Variants in CNTN4 observed in about 807,000 individuals in gnomAD.
CNTN4 encodes the protein contactin-4.
Under a neutral mutation model 122.5 loss-of-function variants are expected in CNTN4, and 77 were observed. That is an observed-to-expected ratio of 0.63 (90% CI 0.52 to 0.76). The LOEUF (loss-of-function observed/expected upper bound fraction) is 0.76, where lower values mean the gene tolerates loss of function less well. CNTN4 is among the 30% of genes least tolerant of loss of function. The pLI, the probability that CNTN4 is intolerant of heterozygous loss-of-function variation, is 0.00. For missense variants in CNTN4, 1,256 were observed against 1,259.1 expected (o/e 1.00, Z 0.04); for synonymous variants, 512 against 447.0 (o/e 1.15, Z -1.83).
At chr3:2,503,584 G>T (rs1242048648) in intron 3 of CNTN4, among the ~76,000 whole-genome samples, 3 of 152,068 alleles carry the variant, frequency 2.0e-5, no homozygotes, top group Non-Finnish European at 4.4e-5. Context: ...TAAGTAACTT[G>T]TTCAGGCTCA....
chr3:2,965,607 C>T (rs1419094814), intron 13 of CNTN4, among the ~76,000 whole-genome samples: 1 of 152,224 alleles, frequency 6.6e-6, no homozygotes, highest in African/African-American at 2.4e-5. Context: ...CTTCTTATAT[C>T]TAAATTGATT....
intron 8 of CNTN4, among the ~76,000 whole-genome samples, chr3:2,882,330 C>G (rs994692195): frequency 6.6e-6 from 1 of 151,290 alleles, no homozygotes; most frequent in Admixed American, 6.6e-5. Flanking sequence ...CCTGCCACCA[C>G]ACTCTAGCCT....
At chr3:2,838,096 G>A (rs983500928) in intron 7 of CNTN4, among the ~76,000 whole-genome samples, 2 of 152,154 alleles carry the variant, frequency 1.3e-5, no homozygotes, top group Admixed American at 1.3e-4. Context: ...GTGACCATGA[G>A]CAGTTTCATT....
intron 3 of CNTN4, among the ~76,000 whole-genome samples, chr3:2,409,308 C>A (rs999543380): frequency 3.4e-5 from 5 of 148,458 alleles, no homozygotes; most frequent in Admixed American, 1.4e-4. Flanking sequence ...AGTGCAGTGG[C>A]ATGATCTTGA....
At chr3:2,728,023 G>T (rs1369679643) in intron 4 of CNTN4, among the ~76,000 whole-genome samples, 1 of 152,214 alleles carries the variant, frequency 6.6e-6, no homozygotes, top group African/African-American at 2.4e-5. Context: ...AACGCTGTGT[G>T]TTGGCCAGTT....
intron 13 of CNTN4, among the ~76,000 whole-genome samples, chr3:2,947,206 C>G (rs2094688369): frequency 1.3e-5 from 2 of 152,148 alleles, no homozygotes; most frequent in Non-Finnish European, 2.9e-5. Context: ...GTCTGTTTCT[C>G]TATCAAAGAG....
chr3:2,436,775 A>G (rs537836465), intron 3 of CNTN4, among the ~76,000 whole-genome samples: 1 of 147,088 alleles, frequency 6.8e-6, no homozygotes, highest in Non-Finnish European at 1.5e-5. Context: ...TCAAATATAT[A>G]TGAAATATAT....
chr3:2,557,697 C>G (rs1393374417), intron 3 of CNTN4, among the ~76,000 whole-genome samples: 4 of 150,602 alleles, frequency 2.7e-5, no homozygotes, highest in Middle Eastern at 3.2e-3. Context: ...CCACTGCACT[C>G]CAGCCTGGGC....
At position 3,057,386 on chromosome 3, in the gene CNTN4, T is replaced by A. The variant is rs1436632812; in HGVS notation, c.*1166T>A. On this transcript the variant is annotated 3_prime_UTR_variant, in exon 25 of 25. Transcript: ENST00000418658. Reference sequence around the variant, plus strand: ...TCTGTTTTGCAATAGGTAGCCTAGTTGCTTTATATGCTTTACCTTCTAGGT... The same window carrying A: ...TCTGTTTTGCAATAGGTAGCCTAGTAGCTTTATATGCTTTACCTTCTAGGT... The A allele has an allele frequency of 2.0e-5, 3 of 152,654 alleles. No individual in the cohort carries two copies. Among genetic ancestry groups the A allele is most frequent in the African/African-American group, 7.2e-5 (3 of 41,464 alleles). The allele number at this position is 152,654 out of a possible 1,614,324, so 9.5% of individuals were successfully genotyped here.
intron 2 of CNTN4, among the ~76,000 whole-genome samples, chr3:2,122,943 A>G (rs2033896787): frequency 6.6e-6 from 1 of 152,186 alleles, no homozygotes; most frequent in Non-Finnish European, 1.5e-5. Context: ...TCTCAGTTCA[A>G]GGTTGCCATG....
chr3:2,135,385 T>G (rs2034641383), intron 2 of CNTN4, among the ~76,000 whole-genome samples: 1 of 152,214 alleles, frequency 6.6e-6, no homozygotes, highest in South Asian at 2.1e-4. Flanking sequence ...AGGGCCAATT[T>G]AACATCAGCT....
chr3:2,193,529 T>C (rs1445180676), intron 2 of CNTN4, among the ~76,000 whole-genome samples: 1 of 152,182 alleles, frequency 6.6e-6, no homozygotes, highest in Non-Finnish European at 1.5e-5. Flanking sequence ...TATGTGGCCA[T>C]AGACTGGATC....
chr3:2,820,838 G>T (rs574841284), intron 7 of CNTN4, among the ~76,000 whole-genome samples: 1 of 150,938 alleles, frequency 6.6e-6, no homozygotes, highest in Admixed American at 6.6e-5. Context: ...TAGAATCTAC[G>T]ATCACTTTGT....
At chr3:2,158,518 C>T (rs1273126225) in intron 2 of CNTN4, among the ~76,000 whole-genome samples, 1 of 152,254 alleles carries the variant, frequency 6.6e-6, no homozygotes. Flanking sequence ...ATGGTTGGGC[C>T]GGATGTCCTC....
chr3:2,695,264 G>T (rs991913776), intron 4 of CNTN4, among the ~76,000 whole-genome samples: 8 of 152,036 alleles, frequency 5.3e-5, no homozygotes, highest in Non-Finnish European at 1.0e-4. Context: ...CCCAATTATT[G>T]GAAAGTTCTT....
At chr3:2,406,472 G>A (rs768264935) in intron 3 of CNTN4, among the ~76,000 whole-genome samples, 1 of 152,122 alleles carries the variant, frequency 6.6e-6, no homozygotes, top group African/African-American at 2.4e-5. Context: ...TGAAACCATT[G>A]GTAAAATCCA....
intron 14 of CNTN4, among the ~76,000 whole-genome samples, chr3:3,023,065 C>G (rs1022563481): frequency 2.6e-5 from 4 of 152,128 alleles, no homozygotes; most frequent in Admixed American, 6.6e-5. Context: ...AGGAAGCCAT[C>G]TGTTTGTTTG....
chr3:2,893,141 C>A (rs1047474822), intron 10 of CNTN4, among the ~76,000 whole-genome samples: 1 of 152,176 alleles, frequency 6.6e-6, no homozygotes, highest in South Asian at 2.1e-4. Context: ...TCCAAAAAAA[C>A]CCTTTTTTTC....
chr3:2,204,817 T>A (rs908015706), intron 2 of CNTN4, among the ~76,000 whole-genome samples: 1 of 151,946 alleles, frequency 6.6e-6, no homozygotes. Flanking sequence ...CCACTTGGAG[T>A]TTGAATAGTA....
Sources: allele counts gnomAD v4.1 joint callset (sites outside exome capture counted in the v4.1 genomes callset), GRCh38; gene constraint gnomAD v4.1.1; transcripts MANE v1.5; gene names NCBI Gene and HGNC (gene_info 2026-07-23, HGNC 2026-07-21).